The following NAA15 variants were observed in gnomAD, a reference collection of about 807,000 sequenced individuals.
NAA15 encodes N-terminal acetyltransferase.
NAA15 carries 34 observed loss-of-function variants against 114.0 expected under a neutral mutation model. The ratio of observed to expected loss-of-function variants is 0.30; its 90% CI spans 0.23 to 0.40. The LOEUF (loss-of-function observed/expected upper bound fraction) is 0.40. NAA15 is among the 10% of genes least tolerant of loss of function. The pLI is 1.00. For missense variants in NAA15, 658 were observed against 1,004.5 expected (o/e 0.66, Z 4.66); for synonymous variants, 340 against 338.0 (o/e 1.01, Z -0.06).
At chr4:139,338,744 G>A (rs1251701877) in intron 3 of NAA15, among the ~76,000 whole-genome samples, 1 of 151,986 alleles carries the variant, frequency 6.6e-6, no homozygotes, top group African/African-American at 2.4e-5. Flanking sequence ...CACCATGCCT[G>A]GCCAACATTC....
At chr4:139,357,784 T>C (rs547206502) in intron 11 of NAA15, among the ~76,000 whole-genome samples, 1 of 152,334 alleles carries the variant, frequency 6.6e-6, no homozygotes, top group South Asian at 2.1e-4. Flanking sequence ...TACATTAATG[T>C]ATATGTATTC....
At chr4:139,376,612 T>C in intron 16 of NAA15, 139 bp downstream of exon 16, 1 of 651,372 alleles carries the variant, frequency 1.5e-6, no homozygotes, top group South Asian at 1.7e-5. Context: ...ATGCCTGCTA[T>C]GAACAGAATG....
chr4:139,369,248 A>C (rs1416247418), intron 14 of NAA15, among the ~76,000 whole-genome samples: 1 of 152,246 alleles, frequency 6.6e-6, no homozygotes, highest in Admixed American at 6.5e-5. Flanking sequence ...TAGAGAAGGC[A>C]TAACTAAGCG....
intron 1 of NAA15, among the ~76,000 whole-genome samples, chr4:139,321,119 T>G (rs1321823440): frequency 6.6e-6 from 1 of 152,102 alleles, no homozygotes; most frequent in Non-Finnish European, 1.5e-5. Context: ...TTTTTTCGTA[T>G]TTTTTCTTTT....
intron 1 of NAA15, among the ~76,000 whole-genome samples, chr4:139,315,022 T>C (rs1560952892): frequency 8.9e-6 from 1 of 111,740 alleles, no homozygotes; most frequent in African/African-American, 4.5e-5. Flanking sequence ...TTAGGTTAGG[T>C]TAGGTTAGGT....
intron 1 of NAA15, among the ~76,000 whole-genome samples, chr4:139,327,023 C>A (rs1194016769): frequency 6.6e-6 from 1 of 151,974 alleles, no homozygotes; most frequent in Non-Finnish European, 1.5e-5. Flanking sequence ...GCAGCCTCAA[C>A]CTCCTAGGCT....
Position 139,391,180 on chromosome 4 carries a change from C to A in NAA15, c.*3096C>A, listed in dbSNP as rs1365719866. ...GCGGTCTTTCTATTCTAGCTAATGC[C>A]CCACTTCTTTAAGTTATAAACAAAG... On this transcript the variant is annotated 3_prime_UTR_variant, in exon 20 of 20. Coordinates refer to ENST00000296543, the MANE Select transcript of NAA15 (RefSeq NM_057175.5). The A allele has an allele frequency of 6.6e-6, 1 of 152,078 alleles. No homozygotes were observed. The highest frequency in any genetic ancestry group is 2.4e-5 in the African/African-American group (1 of 41,376). 9.4% of individuals were successfully genotyped at this position (152,078 alleles called of 1,614,324 possible).
At chr4:139,316,792 C>T (rs1320975262) in intron 1 of NAA15, among the ~76,000 whole-genome samples, 1 of 151,732 alleles carries the variant, frequency 6.6e-6, no homozygotes, top group Non-Finnish European at 1.5e-5. Context: ...CAAGAGCATT[C>T]TGATTTGTTG....
Position 139,384,639 on chromosome 4 carries a change from C to G in NAA15, c.2156-193C>G, listed in dbSNP as rs535113529. On this transcript the variant is annotated intron_variant, in intron 17 of 19. Coordinates refer to ENST00000296543, the MANE Select transcript of NAA15 (RefSeq NM_057175.5). ...GTGTGGTGGTGCACACCTGAAGTCCCAGCTACCTGGGGGGCTGAAGTGGGA... is the reference window on the plus strand; with the variant it reads ...GTGTGGTGGTGCACACCTGAAGTCCGAGCTACCTGGGGGGCTGAAGTGGGA... Among the ~76,000 whole-genome samples the G allele has an allele frequency of 1.5e-4, 23 of 152,120 alleles. No homozygotes were observed. The South Asian group carries it at 4.6e-3, about 30-fold the overall frequency.
intron 1 of NAA15, among the ~76,000 whole-genome samples, chr4:139,329,215 T>A (rs1332548967): frequency 6.6e-6 from 1 of 152,120 alleles, no homozygotes; most frequent in Non-Finnish European, 1.5e-5. Flanking sequence ...CAAATTCTAT[T>A]TGTTTTTTTC....
chr4:139,353,259 A>G (rs1443757503), intron 9 of NAA15, among the ~76,000 whole-genome samples: 1 of 152,220 alleles, frequency 6.6e-6, no homozygotes, highest in African/African-American at 2.4e-5. Flanking sequence ...CAGTCTTAGT[A>G]GGCTTGTAGC....
At position 139,351,640 on chromosome 4, in the gene NAA15, G is replaced by T. The variant is rs1291114063; in HGVS notation, c.1014+29G>T. 7.0e-6 allele frequency: 8 copies of T among 1,149,998 alleles called. No individual in the cohort carries two copies. The Admixed American group carries it at 1.4e-4, about 20-fold the overall frequency. The allele number at this position is 1,149,998 out of a possible 1,614,324, so 71.2% of individuals were successfully genotyped here. ...AAGTGAAATATGATACTTTCTTTTGGCTACCATTTCTTTGCTCGGTATTTG... is the reference window on the plus strand; with the variant it reads ...AAGTGAAATATGATACTTTCTTTTGTCTACCATTTCTTTGCTCGGTATTTG... On this transcript the variant is annotated intron_variant, in intron 9 of 19. Coordinates refer to ENST00000296543, the MANE Select transcript of NAA15 (RefSeq NM_057175.5).
intron 1 of NAA15, chr4:139,302,111 C>A (rs1264463797): frequency 5.4e-6 from 2 of 371,748 alleles, no homozygotes; most frequent in South Asian, 8.3e-5. Context: ...TTCTCATTCT[C>A]CCCGATCTGG....
intron 13 of NAA15, 44 bp downstream of exon 13, chr4:139,360,672 A>G: frequency 6.6e-7 from 1 of 1,516,170 alleles, no homozygotes. Flanking sequence ...TATTCTGTCG[A>G]TGGTTTTGGA....
intron 1 of NAA15, among the ~76,000 whole-genome samples, chr4:139,315,844 A>C (rs1746393472): frequency 6.6e-6 from 1 of 150,386 alleles, no homozygotes; most frequent in African/African-American, 2.4e-5. Context: ...CCTTTATATT[A>C]TACCTTTAAA....
At chr4:139,359,638 C>A in intron 11 of NAA15, 105 bp from the exon 12 acceptor site, 1 of 1,068,006 alleles carries the variant, frequency 9.4e-7, no homozygotes, top group Non-Finnish European at 1.3e-6. Flanking sequence ...CACAAGAATG[C>A]CTTTACTTTC....
At chr4:139,313,186 G>A (rs1746275553) in intron 1 of NAA15, among the ~76,000 whole-genome samples, 1 of 151,962 alleles carries the variant, frequency 6.6e-6, no homozygotes, top group Admixed American at 6.6e-5. Context: ...GGGAAAAAAA[G>A]CCTGGCCTTG....
intron 14 of NAA15, among the ~76,000 whole-genome samples, chr4:139,362,745 C>T (rs998190724): frequency 6.6e-6 from 1 of 152,118 alleles, no homozygotes; most frequent in African/African-American, 2.4e-5. Context: ...AGTAGGGTAT[C>T]GGAATGACTA....
intron 1 of NAA15, among the ~76,000 whole-genome samples, chr4:139,312,877 A>G (rs898569139): frequency 6.6e-6 from 1 of 151,812 alleles, no homozygotes; most frequent in Admixed American, 6.6e-5. Flanking sequence ...TAAAAATTGC[A>G]GTGTAAGAAT....
Sources: gnomAD v4.1 joint callset for allele counts (sites outside exome capture counted in the v4.1 genomes callset) on GRCh38, gnomAD v4.1.1 for gene constraint, MANE v1.5 for transcripts, NCBI Gene and HGNC (gene_info 2026-07-23, HGNC 2026-07-21) for gene names.